SUPT3H: variants seen among roughly 807,000 people sequenced by gnomAD.
The protein encoded by SUPT3H is SPT3 homolog, SAGA and STAGA complex component, also known as transcription initiation protein SPT3 homolog.
A neutral mutation model predicts 44.3 loss-of-function variants in SUPT3H; 44 were observed. The ratio of observed to expected loss-of-function variants is 0.99; its 90% CI spans 0.78 to 1.28. The LOEUF (loss-of-function observed/expected upper bound fraction) is 1.28, where lower values mean the gene tolerates loss of function less well. SUPT3H is among the 50% of genes most tolerant of loss of function. The pLI, the probability that SUPT3H is intolerant of heterozygous loss-of-function variation, is 0.00. For synonymous variants in SUPT3H, 124 were observed against 125.6 expected, an observed-to-expected ratio of 0.99 and a Z score of 0.09; for missense variants, 380 against 387.1, an observed-to-expected ratio of 0.98 and a Z score of 0.15.
At chr6:45,061,594 T>G in intron 3 of SUPT3H, among the ~76,000 whole-genome samples, 1 of 152,130 alleles carries the variant, frequency 6.6e-6, no homozygotes, top group East Asian at 1.9e-4. Context: ...ACACCGGAAC[T>G]TAAAATAAAA....
chr6:45,191,406 TCA>T (rs1815110198), intron 2 of SUPT3H, among the ~76,000 whole-genome samples: 1 of 152,024 alleles, frequency 6.6e-6, no homozygotes, highest in South Asian at 2.1e-4. Context: ...TGCCAGAAAT[TCA>T]GAGGGAAGGA....
chr6:44,969,699 A>G (rs1028993010), intron 6 of SUPT3H, among the ~76,000 whole-genome samples: 2 of 152,240 alleles, frequency 1.3e-5, no homozygotes, highest in African/African-American at 4.8e-5. Context: ...AGTAGAAACC[A>G]AAAGTTCATT....
chr6:45,058,884 G>T (rs916353713), intron 3 of SUPT3H, among the ~76,000 whole-genome samples: 3 of 152,072 alleles, frequency 2.0e-5, no homozygotes, highest in Non-Finnish European at 4.4e-5. Context: ...CATCCAGTAA[G>T]ATCTACCCGA....
chr6:45,042,636 T>C (rs1339646098), intron 3 of SUPT3H, among the ~76,000 whole-genome samples: 1 of 152,176 alleles, frequency 6.6e-6, no homozygotes, highest in East Asian at 1.9e-4. Flanking sequence ...AGGAACACTT[T>C]TACACTGTTG....
Position 45,043,175 on chromosome 6 carries a change from A to ACG in SUPT3H, c.187-22544_187-22543insCG, listed in dbSNP as rs1449305770. On this transcript the variant is annotated intron_variant, in intron 3 of 10. Coordinates refer to ENST00000371459, the MANE Select transcript of SUPT3H (RefSeq NM_003599.4). ...CACACACACACACACACACACGCACACACACAAACACCAAAACCAAGGCAA... is the reference window on the plus strand; with the variant it reads ...CACACACACACACACACACACGCACACGCACACAAACACCAAAACCAAGGCAA... 9.4e-3 allele frequency among the ~76,000 whole-genome samples: 1,415 copies of ACG among 150,652 alleles called. 15 individuals are homozygous for ACG. Among genetic ancestry groups the ACG allele is most frequent in the South Asian group, 0.024 (116 of 4,760 alleles).
rs548859461 is a variant in SUPT3H, at chr6:44,927,827, T to C, written c.912+4826A>G. 3.9e-5 allele frequency among the ~76,000 whole-genome samples: 6 copies of C among 152,338 alleles called. No homozygotes were observed. In the South Asian group the frequency reaches 6.2e-4, roughly 16 times the overall value. On this transcript the variant is annotated intron_variant, in intron 10 of 10. Transcript: ENST00000371459. Reference sequence around the variant, plus strand: ...TTATTATTGAAATTTTTAGTTTTTTTCCGGGCTTATAGAGTAAGGCCAGAT... The same window carrying C: ...TTATTATTGAAATTTTTAGTTTTTTCCCGGGCTTATAGAGTAAGGCCAGAT...
intron 5 of SUPT3H, among the ~76,000 whole-genome samples, chr6:45,012,593 T>G (rs1359844317): frequency 6.6e-6 from 1 of 152,138 alleles, no homozygotes; most frequent in African/African-American, 2.4e-5. Flanking sequence ...CTTTAGTTAT[T>G]TGAACACATA....
At chr6:44,915,170 C>T (rs1369486735) in intron 10 of SUPT3H, among the ~76,000 whole-genome samples, 1 of 152,114 alleles carries the variant, frequency 6.6e-6, no homozygotes, top group Non-Finnish European at 1.5e-5. Context: ...AATACTGCTA[C>T]CAAAATTTGG....
intron 2 of SUPT3H, among the ~76,000 whole-genome samples, chr6:45,171,396 T>C (rs1381808862): frequency 6.6e-6 from 1 of 152,166 alleles, no homozygotes; most frequent in Non-Finnish European, 1.5e-5. Flanking sequence ...AAGGCAAAAA[T>C]ACTCTTAAGA....
chr6:45,362,918 T>C (rs1054812633), intron 2 of SUPT3H, among the ~76,000 whole-genome samples: 19 of 152,078 alleles, frequency 1.2e-4, no homozygotes, highest in African/African-American at 4.3e-4. Context: ...CAAAAGAATA[T>C]AATACTCTAC....
chr6:44,893,451 C>A (rs1309436033), intron 10 of SUPT3H, among the ~76,000 whole-genome samples: 1 of 146,442 alleles, frequency 6.8e-6, no homozygotes, highest in African/African-American at 2.5e-5. Context: ...TTGTTCAATT[C>A]CCACCTACGA....
chr6:45,195,376 G>A (rs1009972332), intron 2 of SUPT3H, among the ~76,000 whole-genome samples: 8 of 152,118 alleles, frequency 5.3e-5, no homozygotes, highest in African/African-American at 1.4e-4. Flanking sequence ...TGCCTGACTG[G>A]TGGGACCAGA....
chr6:45,250,961 C>T (rs1035658537), intron 2 of SUPT3H: 2 of 151,928 alleles, frequency 1.3e-5, no homozygotes, highest in East Asian at 1.9e-4. Flanking sequence ...AGTACTACCA[C>T]ACCAGCTATT....
chr6:44,837,732 A>G (rs1199300212), intron 10 of SUPT3H, among the ~76,000 whole-genome samples: 1 of 152,246 alleles, frequency 6.6e-6, no homozygotes, highest in Non-Finnish European at 1.5e-5. Flanking sequence ...CATCTAAAAC[A>G]ACACTGTGAA....
intron 2 of SUPT3H, among the ~76,000 whole-genome samples, chr6:45,344,718 G>C (rs1188566577): frequency 6.6e-6 from 1 of 151,900 alleles, no homozygotes; most frequent in Non-Finnish European, 1.5e-5. Flanking sequence ...GGAAAGCCTA[G>C]AGAAAAAAAA....
At chr6:45,176,225 G>A (rs1478494428) in intron 2 of SUPT3H, among the ~76,000 whole-genome samples, 1 of 151,880 alleles carries the variant, frequency 6.6e-6, no homozygotes, top group Admixed American at 6.6e-5. Context: ...CGCGCACCGT[G>A]CGCGAGCCGA....
intron 10 of SUPT3H, among the ~76,000 whole-genome samples, chr6:44,880,222 G>T (rs1201319331): frequency 6.6e-6 from 1 of 152,054 alleles, no homozygotes; most frequent in Non-Finnish European, 1.5e-5. Flanking sequence ...CCAGTTTAGA[G>T]AAGAATATAA....
intron 2 of SUPT3H, among the ~76,000 whole-genome samples, chr6:45,234,071 T>C (rs967702232): frequency 6.6e-6 from 1 of 152,210 alleles, no homozygotes; most frequent in Non-Finnish European, 1.5e-5. Context: ...GGCTCAATGT[T>C]ATTAGAAGTA....
In SUPT3H at chr6:44,891,336, T is replaced by G. The variant is rs139467428; in HGVS notation, c.912+41317A>C. Among the ~76,000 whole-genome samples the G allele has an allele frequency of 5.5e-3, 830 of 152,190 alleles. 4 individuals are homozygous for G. Among genetic ancestry groups the G allele is most frequent in the Non-Finnish European group, 8.6e-3 (588 of 67,988 alleles). On this transcript the variant is annotated intron_variant, in intron 10 of 10. Transcript: ENST00000371459. ...TACACCAATATTCACGGCCACATTA[T>G]TCACAATAGCCAATAGATGAAAATA...
Sources: allele counts gnomAD v4.1 joint callset (sites outside exome capture counted in the v4.1 genomes callset), GRCh38; gene constraint gnomAD v4.1.1; transcripts MANE v1.5; gene names NCBI Gene and HGNC (gene_info 2026-07-23, HGNC 2026-07-21).